Variants in GRM7 observed in about 807,000 individuals in gnomAD.
GRM7 encodes the protein glutamate metabotropic receptor 7, also known as metabotropic glutamate receptor 7.
A neutral mutation model predicts 84.5 loss-of-function variants in GRM7; 35 were observed. The observed-to-expected ratio is 0.41, with a 90% CI of 0.32 to 0.55. GRM7 has a LOEUF of 0.55. GRM7 is among the 20% of genes least tolerant of loss of function. GRM7 has a pLI of 0.19. For missense variants in GRM7, 1,003 were observed against 1,194.6 expected (o/e 0.84, Z 2.36); for synonymous variants, 487 against 455.1 (o/e 1.07, Z -0.89).
intron 1 of GRM7, among the ~76,000 whole-genome samples, chr3:6,898,523 A>G (rs1696271351): frequency 6.6e-6 from 1 of 152,180 alleles, no homozygotes; most frequent in Non-Finnish European, 1.5e-5. Context: ...ATATTTGAAT[A>G]ACATCAGAGT....
chr3:6,956,706 AG>A (rs1447128179), intron 1 of GRM7: 2 of 453,446 alleles, frequency 4.4e-6, no homozygotes, highest in Non-Finnish European at 8.9e-6. Context: ...GCCTGAAAAA[AG>A]GTTTATATCT....
intron 2 of GRM7, among the ~76,000 whole-genome samples, chr3:7,218,368 A>C (rs1020742211): frequency 6.6e-6 from 1 of 152,240 alleles, no homozygotes; most frequent in Admixed American, 6.5e-5. Context: ...TAAAATTAAA[A>C]ATGTTTTATA....
intron 2 of GRM7, among the ~76,000 whole-genome samples, chr3:7,253,986 C>A (rs1340085094): frequency 6.6e-6 from 1 of 152,156 alleles, no homozygotes; most frequent in East Asian, 1.9e-4. Flanking sequence ...ATGCATTCCA[C>A]GTGGATGGCT....
intron 4 of GRM7, among the ~76,000 whole-genome samples, chr3:7,406,328 G>A (rs1035350140): frequency 6.6e-5 from 10 of 151,960 alleles, no homozygotes; most frequent in Non-Finnish European, 1.5e-4. Context: ...GTGCAACCCC[G>A]TCTCTACTAA....
chr3:7,260,490 T>C (rs1199773166), intron 2 of GRM7, among the ~76,000 whole-genome samples: 1 of 152,216 alleles, frequency 6.6e-6, no homozygotes, highest in African/African-American at 2.4e-5. Context: ...TTTGTGTGCA[T>C]AAAGGTGTTC....
In GRM7 at chr3:6,871,037, T is replaced by G. The variant is rs149515431; in HGVS notation, c.519+9130T>G. Among the ~76,000 whole-genome samples, 6 of 152,290 alleles carry G rather than the reference T, an allele frequency of 3.9e-5. No homozygotes were observed. In the East Asian group the frequency reaches 7.7e-4, roughly 20 times the overall value. On this transcript the variant is annotated intron_variant, in intron 1 of 9. Transcript: ENST00000357716. ...GAGGAAGTGGAATTAGCACTGTAGG[T>G]TCTCAAAACACTTAGTAATTAGTGA... is the stretch of plus-strand genomic sequence containing the variant.
At chr3:7,369,628 A>G (rs1164038747) in intron 4 of GRM7, among the ~76,000 whole-genome samples, 1 of 152,142 alleles carries the variant, frequency 6.6e-6, no homozygotes, top group Non-Finnish European at 1.5e-5. Context: ...ATGAGTTTTC[A>G]TAATTTTTTC....
intron 9 of GRM7, among the ~76,000 whole-genome samples, chr3:7,687,281 G>T (rs951205655): frequency 6.6e-6 from 1 of 152,148 alleles, no homozygotes; most frequent in Non-Finnish European, 1.5e-5. Context: ...GCTGGCATAA[G>T]AATAATAATG....
intron 1 of GRM7, among the ~76,000 whole-genome samples, chr3:7,018,431 T>A (rs1157787411): frequency 2.0e-5 from 3 of 152,262 alleles, no homozygotes. Flanking sequence ...GTCTGAGAAC[T>A]ATCTACCTAG....
chr3:7,063,256 C>T (rs184249727), intron 1 of GRM7, among the ~76,000 whole-genome samples: 1 of 151,852 alleles, frequency 6.6e-6, no homozygotes, highest in East Asian at 1.9e-4. Flanking sequence ...ACAAGTAAGG[C>T]TTGGTATACA....
At chr3:7,366,311 C>T (rs543025372) in intron 4 of GRM7, among the ~76,000 whole-genome samples, 1 of 151,854 alleles carries the variant, frequency 6.6e-6, no homozygotes, top group South Asian at 2.1e-4. Context: ...TGACACTTTC[C>T]ATTTACTCTC....
Position 6,924,723 on chromosome 3 carries a change from G to A in GRM7, c.519+62816G>A, listed in dbSNP as rs570855062. On this transcript the variant is annotated intron_variant, in intron 1 of 9. Coordinates refer to ENST00000357716, the MANE Select transcript of GRM7 (RefSeq NM_000844.4). ...ATAGATATATATAAACACTGTAAGA[G>A]GCTACCAGACATTAATTAAAGAAAC... 3.3e-4 allele frequency among the ~76,000 whole-genome samples: 50 copies of A among 151,902 alleles called. 1 individual carries two copies. Among genetic ancestry groups the A allele is most frequent in the African/African-American group, 1.1e-3 (47 of 41,524 alleles).
intron 1 of GRM7, among the ~76,000 whole-genome samples, chr3:7,032,604 A>T (rs1696231437): frequency 6.6e-6 from 1 of 152,148 alleles, no homozygotes; most frequent in Non-Finnish European, 1.5e-5. Context: ...TTTTTCAGAT[A>T]GGGGCTAATA....
At chr3:7,037,128 G>A (rs1008060073) in intron 1 of GRM7, among the ~76,000 whole-genome samples, 9 of 152,160 alleles carry the variant, frequency 5.9e-5, no homozygotes, top group African/African-American at 1.9e-4. Flanking sequence ...TATTTAAACA[G>A]CTGTATGAGG....
chr3:6,923,723 C>T (rs1285509238), intron 1 of GRM7, among the ~76,000 whole-genome samples: 1 of 152,152 alleles, frequency 6.6e-6, no homozygotes, highest in African/African-American at 2.4e-5. Flanking sequence ...TTGCTCTATC[C>T]ATGAATTATT....
intron 1 of GRM7, among the ~76,000 whole-genome samples, chr3:7,060,226 T>C (rs534627959): frequency 7.0e-4 from 106 of 151,962 alleles, no homozygotes; most frequent in African/African-American, 2.2e-3. Flanking sequence ...AAATTAAATA[T>C]GGCAGAAGGA....
chr3:6,958,817 A>G (rs571606855), intron 1 of GRM7, among the ~76,000 whole-genome samples: 1 of 152,328 alleles, frequency 6.6e-6, no homozygotes, highest in African/African-American at 2.4e-5. Flanking sequence ...GTTCAAATAA[A>G]TCCAGGTACC....
rs34481316 is a variant in GRM7, at chr3:7,356,920, TCACACACACA to T, written c.1033+50303_1033+50312del. Among the ~76,000 whole-genome samples the T allele has an allele frequency of 2.7e-3, 361 of 131,278 alleles. 1 individual carries two copies. Among genetic ancestry groups the T allele is most frequent in the South Asian group, 0.012 (48 of 3,912 alleles). 86.1% of individuals were successfully genotyped at this position (131,278 alleles called of 152,430 possible). ...CTATCATGGAACTTTGCCTTTTTGA[TCACACACACA>T]CACACACACACACACACACACACAC... On this transcript the variant is annotated intron_variant, in intron 4 of 9. Coordinates refer to ENST00000357716, the MANE Select transcript of GRM7 (RefSeq NM_000844.4).
At chr3:7,038,061 TAA>T (rs1164488702) in intron 1 of GRM7, among the ~76,000 whole-genome samples, 1 of 152,198 alleles carries the variant, frequency 6.6e-6, no homozygotes, top group Non-Finnish European at 1.5e-5. Flanking sequence ...TTCAAATGAA[TAA>T]AAGTTTTCTT....
Sources: gnomAD v4.1 joint callset for allele counts (sites outside exome capture counted in the v4.1 genomes callset) on GRCh38, gnomAD v4.1.1 for gene constraint, MANE v1.5 for transcripts, NCBI Gene and HGNC (gene_info 2026-07-23, HGNC 2026-07-21) for gene names.